ANKRD33: variants seen among roughly 807,000 people sequenced by gnomAD.
The protein encoded by ANKRD33 is photoreceptor ankyrin repeat protein.
ANKRD33 carries 20 observed loss-of-function variants against 20.6 expected under a neutral mutation model. That is an observed-to-expected ratio of 0.97 (90% CI 0.68 to 1.41). The LOEUF (loss-of-function observed/expected upper bound fraction) is 1.41. Ranked by LOEUF, ANKRD33 falls within the 40% of genes most tolerant of loss-of-function variation. ANKRD33 has a pLI of 0.00. For synonymous variants in ANKRD33, 246 were observed against 245.0 expected (o/e 1.00, Z -0.04); for missense variants, 545 against 579.6 (o/e 0.94, Z 0.61).
rs763288757 is a variant in ANKRD33 at position 51,890,844 on chromosome 12, C to T, written c.898C>T (p.Gln300Ter). ...GAGCCTCCCCTTTGCCCCGTCTCCT[C>T]AGGAGGGGGGTGTTCTGGACCACCT... is the stretch of plus-strand genomic sequence containing the variant. ...TLSLPFAPSP[Q>*]EGGVLDHLVT... Residue 300 changes from glutamine (Q) to a stop codon, truncating the protein, a stop_gained, in exon 5 of 5, where the codon CAG becomes TAG. Transcript: ENST00000301190. LOFTEE classifies it low-confidence loss of function (END_TRUNC). 2.5e-6 allele frequency: 4 copies of T among 1,612,510 alleles called. No homozygotes were observed. The highest frequency in any genetic ancestry group is 2.7e-5 in the African/African-American group (2 of 74,918).
At chr12:51,889,269 G>T in intron 3 of ANKRD33, 73 bp downstream of exon 3, 1 of 1,611,140 alleles carries the variant, frequency 6.2e-7, no homozygotes, top group Non-Finnish European at 8.5e-7. Flanking sequence ...CACCCTTGTT[G>T]CACGGTGTTC....
rs1015411512 is a variant in ANKRD33, at chr12:51,891,081, A to G, written c.1135A>G (p.Ile379Val). The change falls in exon 5 of 5, where the codon ATA becomes GTA. Residue 379 changes from isoleucine to valine, a missense_variant. Transcript: ENST00000301190. ...CGTCCCCTACCAGAGCCCTCAGGGC[A>G]TATTGAGCAAGTGCCTTCAGTGGCT... ...VFVPYQSPQG[I>V]LSKCLQWLQP... 2.5e-6 allele frequency: 4 copies of G among 1,613,756 alleles called. No homozygotes were observed. Among genetic ancestry groups the G allele is most frequent in the Non-Finnish European group, 3.4e-6 (4 of 1,179,950 alleles).
Position 51,888,211 on chromosome 12 carries a change from T to C in ANKRD33, c.25T>C (p.Cys9Arg). ...TATGAAAGTCCAGCCATCTGTTACCTGCGTTGCTTCCTGGGGAGGGATAGT... is the reference window on the plus strand; with the variant it reads ...TATGAAAGTCCAGCCATCTGTTACCCGCGTTGCTTCCTGGGGAGGGATAGT... MKVQPSVT[C>R]VASWGGIVHL... is the part of the protein sequence containing the mutation. The change falls in exon 1 of 5, where the codon TGC (cysteine) becomes CGC (arginine). Residue 9 changes from cysteine (C) to arginine (R), a missense_variant. Physicochemically the swap from Cys to Arg is radical, Grantham distance 180. Coordinates refer to ENST00000301190, the MANE Select transcript of ANKRD33 (RefSeq NM_182608.4). 1 of 1,614,162 alleles carries C rather than the reference T, an allele frequency of 6.2e-7. No individual in the cohort carries two copies.
chr12:51,888,141 A>G lies in ANKRD33; in HGVS notation c.-46A>G, dbSNP rs1459192504. 1.2e-6 allele frequency: 2 copies of G among 1,604,148 alleles called. No homozygotes were observed. Among genetic ancestry groups the G allele is most frequent in the South Asian group, 1.1e-5 (1 of 90,640 alleles). On this transcript the variant is annotated 5_prime_UTR_variant, in exon 1 of 5. Transcript: ENST00000301190. ...CCGCCCCGCATGGGGCCCCAGTCCC[A>G]GCTGCTTGATCCGGCTCAGCCCCGA...
rs567222733 is a variant in ANKRD33 at position 51,888,108 on chromosome 12, G to A, written c.-79G>A. On this transcript the variant is annotated 5_prime_UTR_variant, in exon 1 of 5. It adds an upstream start codon to the 5' untranslated region. Transcript: ENST00000301190. ...GCTGGTCTGAGTCCGCTCCTGAGACGTGACCACCCGCCCCGCATGGGGCCC... is the reference window on the plus strand; with the variant it reads ...GCTGGTCTGAGTCCGCTCCTGAGACATGACCACCCGCCCCGCATGGGGCCC... The A allele has an allele frequency of 6.5e-7, 1 of 1,538,398 alleles. No homozygotes were observed. Among genetic ancestry groups the A allele is most frequent in the Admixed American group, 1.9e-5 (1 of 53,602 alleles).
chr12:51,889,426 A>T lies in ANKRD33; in HGVS notation c.581A>T (p.Glu194Val). 6.2e-7 allele frequency: 1 copy of T among 1,614,018 alleles called. No homozygotes were observed. Among genetic ancestry groups the T allele is most frequent in the Non-Finnish European group, 8.5e-7 (1 of 1,179,988 alleles). ...LLNYYVGLDL[E>V]RRDQRGLTAL... ...AACTACTATGTGGGCCTGGACCTGG[A>T]ACGCCGGGACCAGCGGGGGCTCACG... is the stretch of plus-strand genomic sequence containing the variant. Residue 194 changes from glutamate to valine, a missense_variant, in exon 4 of 5, where the codon GAA (glutamate) becomes GTA (valine). Coordinates refer to ENST00000301190, the MANE Select transcript of ANKRD33 (RefSeq NM_182608.4).
rs1325211568 is a variant in ANKRD33, at chr12:51,890,112, A to T, written c.638-472A>T. On this transcript the variant is annotated intron_variant, in intron 4 of 4. Transcript: ENST00000301190. ...CCCACTGGGTTTGGAGTGAAAAAGG[A>T]GTGAATGAAAAAGGAGGGCGCTCTA... 4 of 275,188 alleles carry T rather than the reference A, an allele frequency of 1.5e-5. No individual in the cohort carries two copies. The East Asian group carries it at 3.3e-4, about 23-fold the overall frequency. 17.0% of individuals were successfully genotyped at this position (275,188 alleles called of 1,614,324 possible).
rs1044248377 is a variant in ANKRD33, at chr12:51,891,281, G to T, written c.1335G>T (p.Glu445Asp). Reference protein sequence around the residue: ...ELRIEKRKQEEEARMAQK With the variant: ...ELRIEKRKQEDEARMAQK ...GGATAGAGAAGAGGAAACAGGAGGA[G>T]GAGGCCAGAATGGCACAGAAGTAGG... Residue 445 changes from glutamate (E) to aspartate (D), a missense_variant, in exon 5 of 5, where the codon GAG (glutamate) becomes GAT (aspartate). Coordinates refer to ENST00000301190, the MANE Select transcript of ANKRD33 (RefSeq NM_182608.4). 1 of 1,614,168 alleles carries T rather than the reference G, an allele frequency of 6.2e-7. No individual in the cohort carries two copies. The highest frequency in any genetic ancestry group is 8.5e-7 in the Non-Finnish European group (1 of 1,180,008).
Position 51,890,761 on chromosome 12 carries a change from A to T in ANKRD33, c.815A>T (p.Gln272Leu). The change falls in exon 5 of 5, where the codon CAG becomes CTG. Residue 272 changes from glutamine (Q) to leucine (L), a missense_variant. By Grantham distance (113) the Gln-to-Leu change is moderately radical. Transcript: ENST00000301190. ...EWPALSGLVA[Q>L]AQAQAQVAPS... ...CCGGCCTTGTCCGGGCTCGTGGCCC[A>T]GGCCCAGGCCCAGGCCCAGGTTGCC... The T allele has an allele frequency of 1.9e-6, 3 of 1,602,638 alleles. No homozygotes were observed. Among genetic ancestry groups the T allele is most frequent in the Non-Finnish European group, 2.5e-6 (3 of 1,178,760 alleles).
Position 51,888,741 on chromosome 12 carries a change from G to A in ANKRD33, c.319G>A (p.Asp107Asn), listed in dbSNP as rs1441943697. ...CCTGTATTGGGCCTGTGTCCACAAT[G>A]ATCCCACCCAGCTCCAAGCCATACT... ...GALYWACVHNDPTQLQAILDG... is the reference protein window; with the variant it reads ...GALYWACVHNNPTQLQAILDG... Residue 107 changes from aspartate to asparagine, a missense_variant, in exon 2 of 5, where the codon GAT becomes AAT. Coordinates refer to ENST00000301190, the MANE Select transcript of ANKRD33 (RefSeq NM_182608.4). 1 of 1,614,060 alleles carries A rather than the reference G, an allele frequency of 6.2e-7. No individual in the cohort carries two copies. The highest frequency in any genetic ancestry group is 1.7e-5 in the Admixed American group (1 of 60,016).
chr12:51,890,776 C>A lies in ANKRD33; in HGVS notation c.830C>A (p.Ala277Asp). Residue 277 changes from alanine to aspartate, a missense_variant, in exon 5 of 5, where the codon GCC becomes GAC. By Grantham distance (126) the Ala-to-Asp change is moderately radical. Transcript: ENST00000301190. ...SGLVAQAQAQ[A>D]QVAPSLLERL... Reference sequence around the variant, plus strand: ...CTCGTGGCCCAGGCCCAGGCCCAGGCCCAGGTTGCCCCTTCACTCCTAGAA... The same window carrying A: ...CTCGTGGCCCAGGCCCAGGCCCAGGACCAGGTTGCCCCTTCACTCCTAGAA... The A allele has an allele frequency of 6.2e-7, 1 of 1,605,414 alleles. No individual in the cohort carries two copies.
In ANKRD33 at chr12:51,891,137, C is replaced by T. The variant is rs763418144; in HGVS notation, c.1191C>T (p.Pro397=). 8 of 1,614,114 alleles carry T rather than the reference C, an allele frequency of 5.0e-6. No individual in the cohort carries two copies. The South Asian group carries it at 5.5e-5, about 11-fold the overall frequency. Residue 397 remains proline, a synonymous_variant, in exon 5 of 5, where the codon CCC becomes CCT. Coordinates refer to ENST00000301190, the MANE Select transcript of ANKRD33 (RefSeq NM_182608.4). ...LQPRDSTSPR[P]QVPKILLSKA... ...CCAGGGATAGCACCAGCCCCAGGCCCCAAGTCCCCAAGATCCTCCTCTCCA... is the reference window on the plus strand; with the variant it reads ...CCAGGGATAGCACCAGCCCCAGGCCTCAAGTCCCCAAGATCCTCCTCTCCA...
At chr12:51,890,544 C>G in intron 4 of ANKRD33, 40 bp from the exon 5 acceptor site, 1 of 1,584,756 alleles carries the variant, frequency 6.3e-7, no homozygotes. Flanking sequence ...AATCACCAAC[C>G]CCTATCCCGC....
intron 4 of ANKRD33, 37 bp downstream of exon 4, chr12:51,889,519 G>A (rs11609844): frequency 0.011 from 16,995 of 1,608,580 alleles, 119 homozygotes; most frequent in Non-Finnish European, 0.013. Flanking sequence ...GCAGGTGTGC[G>A]GGGCCTGGAC....
chr12:51,890,181 C>G, intron 4 of ANKRD33: 1 of 369,196 alleles, frequency 2.7e-6, no homozygotes. Flanking sequence ...CCCACAACCC[C>G]AAGATGGGAG....
At chr12:51,889,751 G>A (rs1263698822) in intron 4 of ANKRD33, 12 of 596,984 alleles carry the variant, frequency 2.0e-5, no homozygotes, top group East Asian at 3.3e-5. Flanking sequence ...TGTGGGAGGG[G>A]AACCTAGCCC....
chr12:51,891,236 C>G lies in ANKRD33; in HGVS notation c.1290C>G (p.Leu430=), dbSNP rs1277877873. ...GACACCAAAGTCTGGCCCTTCCTCT[C>G]TGGCGATACCAGGAGCTCAGGATAG... ...PSGHQSLALP[L]WRYQELRIEK... The change falls in exon 5 of 5, where the codon CTC becomes CTG. Residue 430 remains leucine, a synonymous_variant. Transcript: ENST00000301190. The G allele has an allele frequency of 6.2e-7, 1 of 1,614,134 alleles. No homozygotes were observed. Among genetic ancestry groups the G allele is most frequent in the Non-Finnish European group, 8.5e-7 (1 of 1,180,052 alleles).
Position 51,888,611 on chromosome 12 carries a change from C to A in ANKRD33, c.189C>A (p.Cys63Ter). 7 of 1,573,750 alleles carry A rather than the reference C, an allele frequency of 4.4e-6. No individual in the cohort carries two copies. The highest frequency in any genetic ancestry group is 5.2e-6 in the Non-Finnish European group (6 of 1,161,208). Residue 63 changes from cysteine to a stop codon, truncating the protein, a stop_gained, in exon 2 of 5, where the codon TGC (cysteine) becomes TGA (stop). Coordinates refer to ENST00000301190, the MANE Select transcript of ANKRD33 (RefSeq NM_182608.4). LOFTEE classifies it high-confidence loss of function. ...AAGGGACTCACCTTCTGGTTCCCTG[C>A]CTGGAAGAGGAAGAGCTGGCATTGC... ...MRKGTHLLVP[C>*]LEEEELALHR...
rs1281586702 is a variant in ANKRD33 at position 51,889,084 on chromosome 12, A to G, written c.414A>G (p.Ala138=). 3.1e-6 allele frequency: 5 copies of G among 1,614,038 alleles called. No individual in the cohort carries two copies. The highest frequency in any genetic ancestry group is 4.5e-5 in the East Asian group (2 of 44,882). The change falls in exon 3 of 5, where the codon GCA becomes GCG. Residue 138 remains alanine (A), a synonymous_variant. Transcript: ENST00000301190. ...TCCCTCAGACAGGCCTCATGGTCGC[A>G]TGCTACCACGGCTTCCAGAGTGTTG... ...DSNGRTGLMV[A]CYHGFQSVVA...
Sources: gnomAD v4.1 joint callset for allele counts on GRCh38, gnomAD v4.1.1 for gene constraint, MANE v1.5 for transcripts, NCBI Gene and HGNC (gene_info 2026-07-23, HGNC 2026-07-21) for gene names.